MED19: variants seen among roughly 807,000 people sequenced by gnomAD.
The protein encoded by MED19 is mediator complex subunit 19, also known as mediator of RNA polymerase II transcription subunit 19.
MED19 carries 4 observed loss-of-function variants against 19.9 expected under a neutral mutation model. The ratio of observed to expected loss-of-function variants is 0.20; its 90% CI spans 0.10 to 0.46. The LOEUF (loss-of-function observed/expected upper bound fraction) is 0.46, where lower values mean the gene tolerates loss of function less well. Ranked by LOEUF, MED19 falls within the 20% of genes least tolerant of loss-of-function variation. MED19 has a pLI of 0.99. For missense variants in MED19, 303 were observed against 318.7 expected, an observed-to-expected ratio of 0.95 and a Z score of 0.38; for synonymous variants, 139 against 119.6, an observed-to-expected ratio of 1.16 and a Z score of -1.06.
intron 1 of MED19, among the ~76,000 whole-genome samples, chr11:57,708,816 A>T (rs1946533992): frequency 6.6e-6 from 1 of 152,198 alleles, no homozygotes; most frequent in South Asian, 2.1e-4. Context: ...AATAGCTACA[A>T]TCAGAATAGG....
intron 1 of MED19, among the ~76,000 whole-genome samples, chr11:57,707,866 T>C: frequency 6.6e-6 from 1 of 152,204 alleles, no homozygotes; most frequent in Non-Finnish European, 1.5e-5. Context: ...ACAGTCTCGC[T>C]CTGTCACCCA....
chr11:57,705,788 G>A (rs1239774331), intron 1 of MED19, among the ~76,000 whole-genome samples: 1 of 152,170 alleles, frequency 6.6e-6, no homozygotes, highest in Non-Finnish European at 1.5e-5. Flanking sequence ...CCCAATGAAG[G>A]AGACACTCCA....
At chr11:57,710,294 G>A (rs552039074) in intron 1 of MED19, among the ~76,000 whole-genome samples, 1 of 152,294 alleles carries the variant, frequency 6.6e-6, no homozygotes, top group South Asian at 2.1e-4. Context: ...CCTAGGAACT[G>A]GAGGTTACAG....
intron 1 of MED19, among the ~76,000 whole-genome samples, chr11:57,709,380 TAA>T (rs71470285): frequency 1.2e-4 from 17 of 138,188 alleles, no homozygotes; most frequent in Admixed American, 1.5e-4. Flanking sequence ...AAACTCTGTT[TAA>T]AAAAAAAAAA....
intron 3 of MED19, 84 bp downstream of exon 3, chr11:57,704,635 C>T: frequency 2.6e-6 from 4 of 1,560,766 alleles, no homozygotes; most frequent in Non-Finnish European, 3.5e-6. Context: ...ACTGGGTTTA[C>T]CTATGGAAGT....
In MED19 at chr11:57,706,308, T is replaced by C. The variant is rs1946507121; in HGVS notation, c.218-1079A>G. On this transcript the variant is annotated intron_variant, in intron 1 of 4. Transcript: ENST00000431606. ...GATCACAGGCACACACCACCATGCC[T>C]GGCTAATTTTTTTCTAGTAGAGAAG... Among the ~76,000 whole-genome samples, 3 of 152,064 alleles carry C rather than the reference T, an allele frequency of 2.0e-5. No individual in the cohort carries two copies. In the South Asian group the frequency reaches 6.2e-4, roughly 31 times the overall value.
intron 1 of MED19, among the ~76,000 whole-genome samples, chr11:57,710,273 G>T (rs1334402656): frequency 1.3e-5 from 2 of 152,150 alleles, no homozygotes; most frequent in Non-Finnish European, 2.9e-5. Flanking sequence ...GAGGTGGGAC[G>T]ACAGCATGAG....
intron 1 of MED19, among the ~76,000 whole-genome samples, chr11:57,706,365 A>AGGTCAGAAGTTGAGTAGG (rs1318561045): frequency 9.9e-5 from 15 of 151,002 alleles, no homozygotes; most frequent in African/African-American, 3.4e-4. Flanking sequence ...GCTGGTCTTG[A>AGGTCAGAAGTTGAGTAGG]ACTTCTGACC....
chr11:57,711,972 C>T, exon 1 of MED19: 2 of 1,462,328 alleles, frequency 1.4e-6, no homozygotes, highest in South Asian at 1.3e-5. Context: ...CCTGGCAGTT[C>T]CCTCATGAGG....
At position 57,704,135 on chromosome 11, in the gene MED19, A is replaced by C. The variant is rs868571564; in HGVS notation, c.667-29T>G. ...GGGGAGAAAGAAGCAGGGTAAGAAC[A>C]ACTAGGAACTAGCCTTGGCTTTGAT... On this transcript the variant is annotated intron_variant, in intron 4 of 4. Transcript: ENST00000431606. 5.5e-5 allele frequency: 84 copies of C among 1,536,044 alleles called. No homozygotes were observed. The Middle Eastern group carries it at 3.3e-3, about 61-fold the overall frequency.
chr11:57,706,508 C>T (rs1011675575), intron 1 of MED19, among the ~76,000 whole-genome samples: 3 of 152,140 alleles, frequency 2.0e-5, no homozygotes, highest in African/African-American at 4.8e-5. Context: ...CGGTGGCTCA[C>T]GCCTGTAATC....
chr11:57,704,669 G>GTTTTTTTTTT (rs34198151), intron 3 of MED19, 50 bp downstream of exon 3: 695 of 1,287,132 alleles, frequency 5.4e-4, no homozygotes, highest in South Asian at 9.4e-4. Context: ...AGAAGGTCAG[G>GTTTTTTTTTT]TTTTTTTTTT....
At chr11:57,710,135 G>A (rs1474724801) in intron 1 of MED19, among the ~76,000 whole-genome samples, 2 of 152,214 alleles carry the variant, frequency 1.3e-5, no homozygotes, top group Non-Finnish European at 2.9e-5. Context: ...GCCAAGGCGG[G>A]AGGACTGCTG....
At chr11:57,711,618 T>C (rs1946611907) in intron 1 of MED19, among the ~76,000 whole-genome samples, 1 of 151,808 alleles carries the variant, frequency 6.6e-6, no homozygotes, top group African/African-American at 2.4e-5. Context: ...CCTCCCAGAG[T>C]GTTGGGATTA....
chr11:57,709,349 C>G (rs960566755), intron 1 of MED19, among the ~76,000 whole-genome samples: 2 of 151,442 alleles, frequency 1.3e-5, no homozygotes, highest in African/African-American at 4.9e-5. Flanking sequence ...CCATTGCACT[C>G]CAGCCTGGGC....
At chr11:57,705,555 G>T (rs1029839714) in intron 1 of MED19, among the ~76,000 whole-genome samples, 1 of 152,082 alleles carries the variant, frequency 6.6e-6, no homozygotes, top group Non-Finnish European at 1.5e-5. Flanking sequence ...TCAGGAGGCT[G>T]GGGCAGGACA....
intron 1 of MED19, 97 bp downstream of exon 1, chr11:57,711,866 T>C: frequency 7.5e-7 from 1 of 1,325,658 alleles, no homozygotes; most frequent in East Asian, 3.0e-5. Context: ...ATGCGTTGCC[T>C]AGGTTACCTC....
At chr11:57,706,824 C>T (rs181217612) in intron 1 of MED19, among the ~76,000 whole-genome samples, 256 of 152,324 alleles carry the variant, frequency 1.7e-3, no homozygotes, top group African/African-American at 5.5e-3. Flanking sequence ...TCAGTTTCCT[C>T]TTATCTGTGG....
Position 57,709,107 on chromosome 11 carries a change from C to T in MED19, c.217+2856G>A, listed in dbSNP as rs564941054. Among the ~76,000 whole-genome samples the T allele has an allele frequency of 6.6e-5, 10 of 152,280 alleles. No individual in the cohort carries two copies. The South Asian group carries it at 1.9e-3, about 28-fold the overall frequency. On this transcript the variant is annotated intron_variant, in intron 1 of 4. Coordinates refer to ENST00000431606, the Ensembl canonical transcript of MED19. ...AATGAAAGGCATCTGGGAGGCTGGG[C>T]GCAGTGGCTCACGCCTGTAATCCTG...
Sources: gnomAD v4.1 joint callset for allele counts (sites outside exome capture counted in the v4.1 genomes callset) on GRCh38, gnomAD v4.1.1 for gene constraint, MANE v1.5 for transcripts, NCBI Gene and HGNC (gene_info 2026-07-23, HGNC 2026-07-21) for gene names.